Variants in NEGR1 observed in about 807,000 individuals in gnomAD.
The protein encoded by NEGR1 is IgLON family member 4.
NEGR1 carries 10 observed loss-of-function variants against 40.9 expected under a neutral mutation model. The observed-to-expected ratio is 0.24, with a 90% confidence interval of 0.15 to 0.42. The LOEUF is 0.42. NEGR1 is among the 10% of genes least tolerant of loss of function. The probability of loss-of-function intolerance (pLI) is 1.00; values close to 1 mark genes in which losing one functional copy is unlikely to be tolerated. For missense variants in NEGR1, 352 were observed against 438.9 expected, an observed-to-expected ratio of 0.80 and a Z score of 1.77; for synonymous variants, 185 against 166.8, an observed-to-expected ratio of 1.11 and a Z score of -0.84.
intron 1 of NEGR1, among the ~76,000 whole-genome samples, chr1:72,195,794 T>C (rs184148267): frequency 1.4e-4 from 21 of 152,120 alleles, no homozygotes; most frequent in African/African-American, 5.1e-4. Context: ...ACTGCATGCC[T>C]TGTGTGGCCA....
At chr1:72,216,371 T>TTATATATATATAA (rs1244656582) in intron 1 of NEGR1, among the ~76,000 whole-genome samples, 22 of 115,704 alleles carry the variant, frequency 1.9e-4, no homozygotes, top group African/African-American at 8.4e-4. Flanking sequence ...AACTTGGAAG[T>TTATATATATATAA]TATATATATA....
intron 4 of NEGR1, among the ~76,000 whole-genome samples, chr1:71,645,280 C>T (rs1296677512): frequency 6.6e-6 from 1 of 151,998 alleles, no homozygotes; most frequent in Non-Finnish European, 1.5e-5. Flanking sequence ...ATGCATAGTA[C>T]TCACTGATAT....
intron 6 of NEGR1, among the ~76,000 whole-genome samples, chr1:71,557,641 A>C (rs1648294281): frequency 1.3e-5 from 2 of 151,614 alleles, no homozygotes; most frequent in Non-Finnish European, 3.0e-5. Context: ...AATGAAGCTG[A>C]GTCCCTATAT....
At chr1:72,002,763 C>A (rs1048258410) in intron 1 of NEGR1, among the ~76,000 whole-genome samples, 1 of 152,114 alleles carries the variant, frequency 6.6e-6, no homozygotes, top group Non-Finnish European at 1.5e-5. Flanking sequence ...TACTAACTTT[C>A]AAAAATGCAA....
intron 6 of NEGR1, among the ~76,000 whole-genome samples, chr1:71,430,714 T>C (rs1489944827): frequency 7.0e-6 from 1 of 142,588 alleles, no homozygotes; most frequent in African/African-American, 2.6e-5. Flanking sequence ...TTTTTTTTTT[T>C]TTTTTTTTTT....
intron 4 of NEGR1, among the ~76,000 whole-genome samples, chr1:71,643,568 G>A (rs1417376529): frequency 6.6e-6 from 1 of 151,974 alleles, no homozygotes; most frequent in East Asian, 1.9e-4. Context: ...AAGCAGGATG[G>A]ATAGAGGAAT....
intron 1 of NEGR1, among the ~76,000 whole-genome samples, chr1:72,079,109 AT>A (rs1178619849): frequency 4.2e-5 from 6 of 143,226 alleles, no homozygotes; most frequent in Non-Finnish European, 7.7e-5. Flanking sequence ...ATATATATAT[AT>A]AATATTATAT....
At chr1:71,554,396 C>CT (rs1466763101) in intron 6 of NEGR1, among the ~76,000 whole-genome samples, 5 of 151,322 alleles carry the variant, frequency 3.3e-5, no homozygotes, top group Non-Finnish European at 7.4e-5. Context: ...TTCTCTTACA[C>CT]TTTATTTAGC....
chr1:71,425,064 A>G (rs879148495), intron 6 of NEGR1, among the ~76,000 whole-genome samples: 1 of 152,222 alleles, frequency 6.6e-6, no homozygotes, highest in African/African-American at 2.4e-5. Context: ...GGCATGCCAC[A>G]TAAACTGTGG....
chr1:71,409,537 G>A (rs578036820), intron 6 of NEGR1, among the ~76,000 whole-genome samples: 6 of 152,040 alleles, frequency 3.9e-5, no homozygotes, highest in African/African-American at 1.4e-4. Flanking sequence ...AATCTTTCCT[G>A]GACCTCCTCT....
intron 1 of NEGR1, among the ~76,000 whole-genome samples, chr1:72,068,200 A>G (rs1647324983): frequency 6.6e-6 from 1 of 152,172 alleles, no homozygotes; most frequent in South Asian, 2.1e-4. Context: ...CAGATGAACC[A>G]AGTATTCAAT....
intron 1 of NEGR1, among the ~76,000 whole-genome samples, chr1:72,231,841 T>G (rs1422208257): frequency 6.6e-6 from 1 of 152,144 alleles, no homozygotes; most frequent in East Asian, 1.9e-4. Flanking sequence ...GGGTAGAGCT[T>G]CACAAAGAAA....
At chr1:71,687,364 T>C (rs1653073311) in intron 4 of NEGR1, among the ~76,000 whole-genome samples, 2 of 152,222 alleles carry the variant, frequency 1.3e-5, no homozygotes, top group Admixed American at 1.3e-4. Context: ...TTTCATTTTA[T>C]CTATGAAATA....
Position 71,407,364 on chromosome 1 carries a change from G to A in NEGR1, c.*82C>T, listed in dbSNP as rs1646284815. 4.4e-6 allele frequency: 6 copies of A among 1,352,406 alleles called. No homozygotes were observed. In the South Asian group the frequency reaches 6.5e-5, roughly 15 times the overall value. The allele number at this position is 1,352,406 out of a possible 1,614,324, so 83.8% of individuals were successfully genotyped here. ...AGCACTGCTGATTATATCCCACGCTGCTTTTAACAAACTGTACCAGATTGG... is the reference window on the plus strand; with the variant it reads ...AGCACTGCTGATTATATCCCACGCTACTTTTAACAAACTGTACCAGATTGG... On this transcript the variant is annotated 3_prime_UTR_variant, in exon 7 of 7. Coordinates refer to ENST00000357731, the MANE Select transcript of NEGR1 (RefSeq NM_173808.3).
intron 2 of NEGR1, among the ~76,000 whole-genome samples, chr1:71,895,338 C>T (rs756807613): frequency 6.6e-6 from 1 of 152,134 alleles, no homozygotes; most frequent in Non-Finnish European, 1.5e-5. Context: ...ACAAACACCA[C>T]AAAATTTACC....
At chr1:72,109,066 C>G (rs983248967) in intron 1 of NEGR1, among the ~76,000 whole-genome samples, 5 of 151,484 alleles carry the variant, frequency 3.3e-5, no homozygotes, top group South Asian at 4.1e-4. Flanking sequence ...TTACCTTAAT[C>G]TCATTTCCAC....
chr1:71,857,545 T>C (rs1267852976), intron 2 of NEGR1, among the ~76,000 whole-genome samples: 1 of 146,440 alleles, frequency 6.8e-6, no homozygotes, highest in African/African-American at 2.5e-5. Context: ...GGAAGATCAT[T>C]TGAGCCCAGG....
intron 1 of NEGR1, among the ~76,000 whole-genome samples, chr1:72,133,758 A>G (rs1374937098): frequency 6.6e-6 from 1 of 151,550 alleles, no homozygotes; most frequent in African/African-American, 2.4e-5. Context: ...AAACTTTTGT[A>G]GTTAATATAG....
chr1:71,449,715 C>G (rs770171232), intron 6 of NEGR1, among the ~76,000 whole-genome samples: 12 of 152,018 alleles, frequency 7.9e-5, no homozygotes, highest in Non-Finnish European at 1.6e-4. Flanking sequence ...TCTTTATTAT[C>G]TTCATTTTAT....
Sources: allele counts gnomAD v4.1 joint callset (sites outside exome capture counted in the v4.1 genomes callset), GRCh38; gene constraint gnomAD v4.1.1; transcripts MANE v1.5; gene names NCBI Gene and HGNC (gene_info 2026-07-23, HGNC 2026-07-21).